The following PTPN13 variants were observed in gnomAD, a reference collection of about 807,000 sequenced individuals.
The protein encoded by PTPN13 is protein tyrosine phosphatase non-receptor type 13.
A neutral mutation model predicts 284.0 loss-of-function variants in PTPN13; 191 were observed. The ratio of observed to expected loss-of-function variants is 0.67; its 90% CI spans 0.60 to 0.76. PTPN13 has a LOEUF of 0.76. Among genes scored for constraint, PTPN13 ranks in the 30% least tolerant of loss-of-function variants. The pLI is 0.00. For missense variants in PTPN13, 2,797 were observed against 2,939.9 expected (o/e 0.95, Z 1.12); for synonymous variants, 986 against 1,022.3 (o/e 0.96, Z 0.68).
intron 5 of PTPN13, among the ~76,000 whole-genome samples, chr4:86,690,913 G>A (rs1364296649): frequency 6.6e-6 from 1 of 151,822 alleles, no homozygotes; most frequent in African/African-American, 2.4e-5. Flanking sequence ...ATACAAATTT[G>A]AATAAAATAT....
chr4:86,789,939 C>A (rs1742429321), intron 40 of PTPN13, among the ~76,000 whole-genome samples: 1 of 151,540 alleles, frequency 6.6e-6, no homozygotes, highest in South Asian at 2.1e-4. Context: ...AGCAGGTTGC[C>A]CCACTGTAAC....
intron 5 of PTPN13, among the ~76,000 whole-genome samples, chr4:86,692,248 T>C (rs975853642): frequency 6.6e-6 from 1 of 152,222 alleles, no homozygotes; most frequent in African/African-American, 2.4e-5. Context: ...TGTGGGATGT[T>C]AGTAATACTG....
chr4:86,736,325 G>A (rs546687815), intron 15 of PTPN13, among the ~76,000 whole-genome samples: 1 of 152,260 alleles, frequency 6.6e-6, no homozygotes, highest in Admixed American at 6.5e-5. Flanking sequence ...AAGAAAAATA[G>A]TATTATGTAA....
chr4:86,764,859 A>T, intron 25 of PTPN13, 135 bp downstream of exon 25: 7 of 1,005,344 alleles, frequency 7.0e-6, no homozygotes, highest in Non-Finnish European at 9.6e-6. Context: ...AAACTGAATC[A>T]TATCTAAAAA....
intron 2 of PTPN13, among the ~76,000 whole-genome samples, chr4:86,667,187 T>C (rs1043545549): frequency 6.6e-6 from 1 of 152,224 alleles, no homozygotes; most frequent in South Asian, 2.1e-4. Flanking sequence ...TCTGACCAAC[T>C]ACCACCAGAA....
Position 86,701,797 on chromosome 4 carries a change from A to G in PTPN13, c.1191A>G (p.Val397=), listed in dbSNP as rs1343135305. 1.9e-6 allele frequency: 3 copies of G among 1,604,468 alleles called. No individual in the cohort carries two copies. The highest frequency in any genetic ancestry group is 4.5e-5 in the East Asian group (2 of 44,828). The part of the protein sequence containing the change: ...KLQVLREAMN[V]EEPVRRYKTY... ...AGGTTCTGAGGGAAGCCATGAATGT[A>G]GAAGGTTAGTAATTCTGTGCATGTT... Residue 397 remains valine (V), a synonymous_variant, in exon 7 of 48, where the codon GTA becomes GTG. Transcript: ENST00000411767.
At chr4:86,774,322 T>C in intron 32 of PTPN13, 51 bp from the exon 33 acceptor site, 6 of 1,493,084 alleles carry the variant, frequency 4.0e-6, no homozygotes, top group Non-Finnish European at 5.5e-6. Context: ...TTTCTGTTTG[T>C]CTATAGTGCA....
rs116078105 is a variant in PTPN13 at position 86,786,061 on chromosome 4, G to A, written c.6345+125G>A. The A allele has an allele frequency of 1.6e-3, 738 of 456,550 alleles. 10 individuals carry two copies. The highest frequency in any genetic ancestry group is 0.014 in the African/African-American group (682 of 49,652). The allele number at this position is 456,550 out of a possible 1,614,324, so 28.3% of individuals were successfully genotyped here. ...CAAAAATTAAATTTAGGAGGAAAAC[G>A]GAGATTAATTTCATGTGTTACATTA... On this transcript the variant is annotated intron_variant, in intron 40 of 47. Transcript: ENST00000411767.
Position 86,814,626 on chromosome 4 carries a change from A to T in PTPN13, c.*75A>T. On this transcript the variant is annotated 3_prime_UTR_variant, in exon 48 of 48. Transcript: ENST00000411767. ...CAGACTCCTGCTCTCTATCCAAAAT[A>T]AAGATCACAGAGCAGCAAGTTCATA... 8.2e-7 allele frequency: 1 copy of T among 1,226,136 alleles called. No individual in the cohort carries two copies. The allele number at this position is 1,226,136 out of a possible 1,614,324, so 76.0% of individuals were successfully genotyped here.
intron 16 of PTPN13, among the ~76,000 whole-genome samples, chr4:86,743,806 C>T (rs912635613): frequency 6.6e-6 from 1 of 152,072 alleles, no homozygotes; most frequent in South Asian, 2.1e-4. Context: ...TTTTGAAAGC[C>T]TACTAAATTT....
intron 1 of PTPN13, among the ~76,000 whole-genome samples, chr4:86,626,974 G>A (rs1214597048): frequency 6.6e-6 from 1 of 152,060 alleles, no homozygotes; most frequent in Admixed American, 6.6e-5. Flanking sequence ...CTAAACAGGT[G>A]AATGGATACA....
At chr4:86,682,809 G>A (rs1359176011) in intron 3 of PTPN13, among the ~76,000 whole-genome samples, 1 of 152,174 alleles carries the variant, frequency 6.6e-6, no homozygotes, top group African/African-American at 2.4e-5. Context: ...TGAATAAAGT[G>A]TATGGAAGCA....
intron 7 of PTPN13, among the ~76,000 whole-genome samples, chr4:86,703,592 C>T (rs1346898739): frequency 1.3e-5 from 2 of 151,996 alleles, no homozygotes; most frequent in African/African-American, 4.8e-5. Flanking sequence ...ATAGGCCAGG[C>T]ATGGTGGGTC....
chr4:86,634,252 A>G (rs1210710556), intron 1 of PTPN13, among the ~76,000 whole-genome samples: 1 of 152,176 alleles, frequency 6.6e-6, no homozygotes, highest in Non-Finnish European at 1.5e-5. Context: ...TACAGTAGAA[A>G]TATACTATAT....
In PTPN13 at chr4:86,780,491, T is replaced by C. The variant is rs1314533578; in HGVS notation, c.5962+19T>C. On this transcript the variant is annotated intron_variant, in intron 36 of 47. Transcript: ENST00000411767. ...GGCAATGGTAAGGATATATTCATTT[T>C]ACTGTACTCTCCTACGGTAATGGGA... 1 of 1,491,930 alleles carries C rather than the reference T, an allele frequency of 6.7e-7. No individual in the cohort carries two copies. The highest frequency in any genetic ancestry group is 1.4e-5 in the African/African-American group (1 of 72,510). 92.4% of individuals were successfully genotyped at this position (1,491,930 alleles called of 1,614,324 possible).
At chr4:86,744,652 A>G (rs938340203) in intron 16 of PTPN13, among the ~76,000 whole-genome samples, 2 of 152,196 alleles carry the variant, frequency 1.3e-5, no homozygotes, top group Non-Finnish European at 2.9e-5. Flanking sequence ...TACACAAACA[A>G]TTGCCTACAG....
chr4:86,709,030 T>C (rs1018496760), intron 7 of PTPN13, among the ~76,000 whole-genome samples: 5 of 151,960 alleles, frequency 3.3e-5, no homozygotes, highest in African/African-American at 9.7e-5. Context: ...GCTCTGAATT[T>C]GTGTGTATGT....
chr4:86,639,126 G>A (rs1359211913), intron 2 of PTPN13, among the ~76,000 whole-genome samples: 2 of 151,800 alleles, frequency 1.3e-5, no homozygotes, highest in African/African-American at 2.4e-5. Context: ...ACCACAATGA[G>A]ATACCATCTC....
intron 35 of PTPN13, among the ~76,000 whole-genome samples, chr4:86,779,167 G>T (rs1740996793): frequency 6.6e-6 from 1 of 151,918 alleles, no homozygotes; most frequent in Non-Finnish European, 1.5e-5. Context: ...ACTAAAGGAT[G>T]AACATGTACT....
Sources: allele counts gnomAD v4.1 joint callset (sites outside exome capture counted in the v4.1 genomes callset), GRCh38; gene constraint gnomAD v4.1.1; transcripts MANE v1.5; gene names NCBI Gene and HGNC (gene_info 2026-07-23, HGNC 2026-07-21).